SMTNL1: variants seen among roughly 807,000 people sequenced by gnomAD.
SMTNL1 encodes the protein smoothelin like 1, also known as smoothelin-like protein 1.
In SMTNL1, 41 loss-of-function variants were observed where a neutral mutation model predicts 46.6. The ratio of observed to expected loss-of-function variants is 0.88; its 90% CI spans 0.69 to 1.14. The LOEUF is 1.14. Ranked by LOEUF, SMTNL1 falls within the 50% of genes most tolerant of loss-of-function variation. The pLI, the probability that SMTNL1 is intolerant of heterozygous loss-of-function variation, is 0.00. For synonymous variants in SMTNL1, 234 were observed against 234.2 expected (o/e 1.00, Z 0.01); for missense variants, 591 against 626.1 (o/e 0.94, Z 0.60).
intron 7 of SMTNL1, among the ~76,000 whole-genome samples, chr11:57,548,444 G>C (rs1435359952): frequency 6.6e-6 from 1 of 152,056 alleles, no homozygotes; most frequent in African/African-American, 2.4e-5. Context: ...CCGAGGCGTG[G>C]GGATCACTTG....
chr11:57,539,272 C>T (rs948807848), intron 1 of SMTNL1, among the ~76,000 whole-genome samples: 4 of 152,184 alleles, frequency 2.6e-5, no homozygotes, highest in East Asian at 3.9e-4. Flanking sequence ...TGGGAAGATC[C>T]GTTGAGTCCA....
At chr11:57,543,984 C>A in intron 4 of SMTNL1, 64 bp downstream of exon 4, 1 of 1,491,032 alleles carries the variant, frequency 6.7e-7, no homozygotes, top group East Asian at 2.5e-5. Flanking sequence ...TCAGCGTCCA[C>A]CATCAACTCA....
chr11:57,542,510 C>A, intron 1 of SMTNL1, 131 bp from the exon 2 acceptor site: 2 of 1,011,846 alleles, frequency 2.0e-6, no homozygotes, highest in Non-Finnish European at 2.8e-6. Flanking sequence ...CGTGATTGGG[C>A]CCCATGTCCA....
At chr11:57,540,837 A>C (rs915738262) in intron 1 of SMTNL1, among the ~76,000 whole-genome samples, 1 of 151,946 alleles carries the variant, frequency 6.6e-6, no homozygotes, top group Non-Finnish European at 1.5e-5. Context: ...CAGCCTCCCA[A>C]GTAGCTGGGA....
At chr11:57,542,137 C>A (rs534903026) in intron 1 of SMTNL1, among the ~76,000 whole-genome samples, 12,875 of 147,872 alleles carry the variant, frequency 0.087, 660 homozygotes, top group African/African-American at 0.12. Flanking sequence ...CACACACACA[C>A]ACACACAAAA....
At chr11:57,546,737 C>A in intron 7 of SMTNL1, 85 bp downstream of exon 7, 1 of 1,477,082 alleles carries the variant, frequency 6.8e-7, no homozygotes. Context: ...GAGGCAGTTA[C>A]ACCGATGCTG....
chr11:57,543,268 A>T lies in SMTNL1; in HGVS notation c.626A>T (p.Asp209Val). The T allele has an allele frequency of 6.2e-7, 1 of 1,613,978 alleles. No homozygotes were observed. Among genetic ancestry groups the T allele is most frequent in the South Asian group, 1.1e-5 (1 of 91,074 alleles). Residue 209 changes from aspartate to valine, a missense_variant, in exon 2 of 8, where the codon GAT (aspartate) becomes GTT (valine). Coordinates refer to ENST00000527972, the MANE Select transcript of SMTNL1 (RefSeq NM_001105565.3). The part of the protein sequence containing the change: ...KAESQKAVVE[D>V]EAKAEPKEPD... ...GAATCGCAGAAGGCTGTTGTGGAGG[A>T]TGAGGCTAAGGCTGAACCCAAGGAG...
rs1195464007 is a variant in SMTNL1, at chr11:57,550,043, C to CTACACAT, written c.1417_1423dup (p.Tyr475LeufsTer26). 4.3e-6 allele frequency: 7 copies of CTACACAT among 1,613,854 alleles called. No homozygotes were observed. Among genetic ancestry groups the CTACACAT allele is most frequent in the Non-Finnish European group, 5.9e-6 (7 of 1,179,890 alleles). On this transcript the variant is annotated frameshift_variant, in exon 8 of 8. Coordinates refer to ENST00000527972, the MANE Select transcript of SMTNL1 (RefSeq NM_001105565.3). LOFTEE classifies it high-confidence loss of function. The stretch of plus-strand genomic sequence containing the variant: ...TGGCTGTGCCCGACTCCAAGTGCGT[C>CTACACAT]TACACATACATCCAGGAACTGTACC...
rs1353714235 is a variant in SMTNL1 at position 57,545,994 on chromosome 11, C to A, written c.1031C>A (p.Pro344His). ...TCAGCCCCTGCTCGGCCCCGGGGGC[C>A]CCGGGCACAGAACCGCAAAGCCATC... is the stretch of plus-strand genomic sequence containing the variant. ...RVSAPARPRG[P>H]RAQNRKAIVD... is the part of the protein sequence containing the mutation. The change falls in exon 5 of 8, where the codon CCC (proline) becomes CAC (histidine). Residue 344 changes from proline to histidine, a missense_variant. Transcript: ENST00000527972. The A allele has an allele frequency of 6.2e-7, 1 of 1,605,832 alleles. No homozygotes were observed. Among genetic ancestry groups the A allele is most frequent in the African/African-American group, 1.3e-5 (1 of 74,536 alleles).
intron 1 of SMTNL1, among the ~76,000 whole-genome samples, chr11:57,539,121 G>A (rs1398530562): frequency 1.3e-5 from 2 of 152,114 alleles, no homozygotes; most frequent in East Asian, 1.9e-4. Flanking sequence ...GGCCGAGGCA[G>A]GAGGTTCACT....
At chr11:57,546,913 G>A (rs1333240960) in intron 7 of SMTNL1, among the ~76,000 whole-genome samples, 1 of 152,072 alleles carries the variant, frequency 6.6e-6, no homozygotes, top group African/African-American at 2.4e-5. Context: ...CAGGAGAATC[G>A]CTTGAGGCCA....
intron 1 of SMTNL1, among the ~76,000 whole-genome samples, chr11:57,542,111 A>ACACACACACACACACACAC (rs1491501897): frequency 1.1e-5 from 1 of 87,920 alleles, no homozygotes; most frequent in African/African-American, 4.5e-5. Context: ...CTACAAAAAA[A>ACACACACACACACACACAC]AAACACACAC....
Position 57,543,121 on chromosome 11 carries a change from C to G in SMTNL1, c.479C>G (p.Pro160Arg). Residue 160 changes from proline (P) to arginine (R), a missense_variant, in exon 2 of 8, where the codon CCT (proline) becomes CGT (arginine). Coordinates refer to ENST00000527972, the MANE Select transcript of SMTNL1 (RefSeq NM_001105565.3). ...QKADANDRDK[P>R]EPKATVEEED... ...GCCGATGCCAATGACAGAGACAAGCCTGAACCTAAGGCAACAGTTGAGGAG... is the reference window on the plus strand; with the variant it reads ...GCCGATGCCAATGACAGAGACAAGCGTGAACCTAAGGCAACAGTTGAGGAG... The G allele has an allele frequency of 1.2e-6, 2 of 1,612,946 alleles. No homozygotes were observed. Among genetic ancestry groups the G allele is most frequent in the Non-Finnish European group, 1.7e-6 (2 of 1,179,420 alleles).
chr11:57,542,674 A>T lies in SMTNL1; in HGVS notation c.32A>T (p.Asp11Val). 1 of 1,612,468 alleles carries T rather than the reference A, an allele frequency of 6.2e-7. No individual in the cohort carries two copies. Among genetic ancestry groups the T allele is most frequent in the Non-Finnish European group, 8.5e-7 (1 of 1,179,224 alleles). The change falls in exon 2 of 8, where the codon GAT becomes GTT. Residue 11 changes from aspartate to valine, a missense_variant. Physicochemically the swap from Asp to Val is radical, Grantham distance 152. Transcript: ENST00000527972. Reference protein sequence around the residue: MEQKEGKLSEDGTTVSPAADN... With the variant: MEQKEGKLSEVGTTVSPAADN... ...CAGAAGGAAGGGAAGCTCTCTGAGGATGGGACCACCGTCTCCCCAGCTGCG... is the reference window on the plus strand; with the variant it reads ...CAGAAGGAAGGGAAGCTCTCTGAGGTTGGGACCACCGTCTCCCCAGCTGCG...
At chr11:57,542,141 C>A (rs141352685) in intron 1 of SMTNL1, among the ~76,000 whole-genome samples, 32,945 of 148,376 alleles carry the variant, frequency 0.22, 4,012 homozygotes, top group African/African-American at 0.28. Context: ...CACACACACA[C>A]ACAAAAATTA....
chr11:57,543,763 G>GAGAGCCC lies in SMTNL1; in HGVS notation c.865+16_865+22dup. 2 of 1,557,420 alleles carry GAGAGCCC rather than the reference G, an allele frequency of 1.3e-6. No homozygotes were observed. The highest frequency in any genetic ancestry group is 1.7e-6 in the Non-Finnish European group (2 of 1,150,396). Reference sequence around the variant, plus strand: ...GGGCACAACCTCAGCACAGGTGAGTGAGAGCCCAGAGCCCATGGGATGCTG... The same window carrying GAGAGCCC: ...GGGCACAACCTCAGCACAGGTGAGTGAGAGCCCAGAGCCCAGAGCCCATGGGATGCTG... On this transcript the variant is annotated splice_region_variant and intron_variant, in intron 3 of 7. Transcript: ENST00000527972.
chr11:57,541,299 T>G (rs555107869), intron 1 of SMTNL1, among the ~76,000 whole-genome samples: 1 of 152,152 alleles, frequency 6.6e-6, no homozygotes, highest in Non-Finnish European at 1.5e-5. Context: ...ATTTTTAGTG[T>G]GTGACAGGAG....
At chr11:57,544,125 A>C (rs181726031) in intron 4 of SMTNL1, among the ~76,000 whole-genome samples, 1 of 152,366 alleles carries the variant, frequency 6.6e-6, no homozygotes, top group Admixed American at 6.5e-5. Flanking sequence ...CACGCCTGTA[A>C]TCCCGGCACT....
intron 4 of SMTNL1, 59 bp downstream of exon 4, chr11:57,543,979 G>T: frequency 6.6e-7 from 1 of 1,511,776 alleles, no homozygotes; most frequent in Non-Finnish European, 9.0e-7. Context: ...TTCCCTCAGC[G>T]TCCACCATCA....
Sources: gnomAD v4.1 joint callset for allele counts (sites outside exome capture counted in the v4.1 genomes callset) on GRCh38, gnomAD v4.1.1 for gene constraint, MANE v1.5 for transcripts, NCBI Gene and HGNC (gene_info 2026-07-23, HGNC 2026-07-21) for gene names.